The following RPS10 variants were observed in gnomAD, a reference collection of about 807,000 sequenced individuals.
RPS10 encodes the protein small ribosomal subunit protein eS10.
In RPS10, 2 loss-of-function variants were observed where a neutral mutation model predicts 22.6. The observed-to-expected ratio is 0.09, with a 90% CI of 0.04 to 0.28. The LOEUF is 0.28. Ranked by LOEUF, RPS10 falls within the 10% of genes least tolerant of loss-of-function variation. The probability of loss-of-function intolerance (pLI) is 1.00; values close to 1 mark genes in which losing one functional copy is unlikely to be tolerated. For synonymous variants in RPS10, 70 were observed against 75.9 expected, an observed-to-expected ratio of 0.92 and a Z score of 0.40; for missense variants, 137 against 222.2, an observed-to-expected ratio of 0.62 and a Z score of 2.44.
chr6:34,421,959 T>A, intron 3 of RPS10, 152 bp from the exon 4 acceptor site: 3 of 696,308 alleles, frequency 4.3e-6, no homozygotes, highest in Admixed American at 4.9e-5. Context: ...AAACCTACAA[T>A]GTCAGCTAGA....
At chr6:34,420,666 A>G (rs1314425621) in intron 4 of RPS10, among the ~76,000 whole-genome samples, 1 of 152,174 alleles carries the variant, frequency 6.6e-6, no homozygotes, top group Non-Finnish European at 1.5e-5. Context: ...AGAAGTTAGT[A>G]AAAACTCTTC....
chr6:34,423,945 A>G (rs1765857514), intron 3 of RPS10, among the ~76,000 whole-genome samples: 1 of 152,050 alleles, frequency 6.6e-6, no homozygotes, highest in African/African-American at 2.4e-5. Context: ...CCTGAGCTCC[A>G]TAAGGTAACT....
chr6:34,422,133 C>T (rs535230051), intron 3 of RPS10, among the ~76,000 whole-genome samples: 27 of 151,982 alleles, frequency 1.8e-4, no homozygotes, highest in African/African-American at 6.3e-4. Context: ...AACTTTTGAA[C>T]CTGACCCACG....
intron 4 of RPS10, among the ~76,000 whole-genome samples, chr6:34,419,477 A>C (rs189132203): frequency 1.1e-4 from 16 of 152,290 alleles, no homozygotes; most frequent in Admixed American, 5.9e-4. Flanking sequence ...ACAAAGACTT[A>C]AGAAAAAAAG....
At chr6:34,418,900 G>T (rs1561937020) in intron 4 of RPS10, among the ~76,000 whole-genome samples, 1 of 152,124 alleles carries the variant, frequency 6.6e-6, no homozygotes, top group Non-Finnish European at 1.5e-5. Flanking sequence ...TTTGAGACAG[G>T]GTCTTACTCT....
intron 3 of RPS10, 167 bp downstream of exon 3, chr6:34,424,502 G>T: frequency 1.2e-6 from 1 of 846,604 alleles, no homozygotes. Context: ...GAAGAACTGA[G>T]TCTAGTTCTA....
At chr6:34,422,147 A>G (rs1348353662) in intron 3 of RPS10, among the ~76,000 whole-genome samples, 4 of 152,298 alleles carry the variant, frequency 2.6e-5, no homozygotes, top group Middle Eastern at 6.8e-3. Context: ...ACCCACGTTA[A>G]GTGGAAAACT....
chr6:34,425,464 T>G, intron 1 of RPS10: 1 of 497,174 alleles, frequency 2.0e-6, no homozygotes, highest in East Asian at 4.0e-5. Context: ...CGCGCCAAAC[T>G]TCCTTAAGTT....
Position 34,423,155 on chromosome 6 carries a change from A to T in RPS10, c.323-1348T>A, listed in dbSNP as rs1435021067. ...CTGGAACTTACCCGGAGTCCATATG[A>T]TTAGAATATGAACTATGTCTCCTTT... On this transcript the variant is annotated intron_variant, in intron 3 of 5. Transcript: ENST00000648437. Among the ~76,000 whole-genome samples, 3 of 152,002 alleles carry T rather than the reference A, an allele frequency of 2.0e-5. No homozygotes were observed. In the East Asian group the frequency reaches 5.8e-4, roughly 29 times the overall value.
At chr6:34,424,598 A>G in intron 3 of RPS10, 71 bp downstream of exon 3, 1 of 1,592,082 alleles carries the variant, frequency 6.3e-7, no homozygotes, top group East Asian at 2.3e-5. Flanking sequence ...ACATCAGCTA[A>G]GAATGCTTTT....
chr6:34,425,429 T>TAA, intron 1 of RPS10: 1 of 618,656 alleles, frequency 1.6e-6, no homozygotes, highest in East Asian at 3.0e-5. Flanking sequence ...GACAGTATGT[T>TAA]AAAACCAGGA....
At chr6:34,420,975 T>A (rs1412948274) in intron 4 of RPS10, among the ~76,000 whole-genome samples, 5 of 149,048 alleles carry the variant, frequency 3.4e-5, no homozygotes, top group Non-Finnish European at 5.9e-5. Context: ...GCCACTGCAC[T>A]CCAGCCTGGG....
Position 34,417,703 on chromosome 6 carries a change from C to T in RPS10, c.457-156G>A, listed in dbSNP as rs977818436. The T allele has an allele frequency of 9.2e-6, 7 of 760,150 alleles. No homozygotes were observed. The African/African-American group carries it at 1.2e-4, about 13-fold the overall frequency. The allele number at this position is 760,150 out of a possible 1,614,324, so 47.1% of individuals were successfully genotyped here. On this transcript the variant is annotated intron_variant, in intron 5 of 5. Transcript: ENST00000648437. ...CAGGCTATAAATCCCAGCACTGCCCCTTACTGGATGTGGGGCCATATCTAA... is the reference window on the plus strand; with the variant it reads ...CAGGCTATAAATCCCAGCACTGCCCTTTACTGGATGTGGGGCCATATCTAA...
chr6:34,422,375 C>T (rs1765798053), intron 3 of RPS10, among the ~76,000 whole-genome samples: 1 of 152,276 alleles, frequency 6.6e-6, no homozygotes, highest in Admixed American at 6.5e-5. Flanking sequence ...AGTGCAGTGG[C>T]GCGATCTTGG....
intron 4 of RPS10, among the ~76,000 whole-genome samples, chr6:34,419,523 C>T (rs1436207876): frequency 6.6e-6 from 1 of 152,146 alleles, no homozygotes; most frequent in African/African-American, 2.4e-5. Flanking sequence ...ATACTGATTA[C>T]ATGTTAAATT....
In RPS10 at chr6:34,421,810, A is replaced by G. The variant is rs1241131239; in HGVS notation, c.323-3T>C. ...CGCAGGTCGCTCACCCTCCAGACCT[A>G]TGTAAATCAAACCACACTGTGAACA... is the stretch of plus-strand genomic sequence containing the variant. On this transcript the variant is annotated splice_region_variant and splice_polypyrimidine_tract_variant and intron_variant, in intron 3 of 5. Transcript: ENST00000648437. 1 of 1,613,858 alleles carries G rather than the reference A, an allele frequency of 6.2e-7. No homozygotes were observed. Among genetic ancestry groups the G allele is most frequent in the Non-Finnish European group, 8.5e-7 (1 of 1,179,840 alleles).
At chr6:34,420,481 G>A (rs912970643) in intron 4 of RPS10, among the ~76,000 whole-genome samples, 1 of 152,146 alleles carries the variant, frequency 6.6e-6, no homozygotes, top group Non-Finnish European at 1.5e-5. Context: ...GCCTCCCAAA[G>A]TGCTGGGATT....
Position 34,424,860 on chromosome 6 carries a change from T to A in RPS10, c.151-20A>T. 1 of 1,613,678 alleles carries A rather than the reference T, an allele frequency of 6.2e-7. No homozygotes were observed. The highest frequency in any genetic ancestry group is 8.5e-7 in the Non-Finnish European group (1 of 1,180,006). Reference sequence around the variant, plus strand: ...GAGAGACTGTAAGGCAGAAAACTACTGTTAAGGCGTTAAGTAGAAGCTTGG... The same window carrying A: ...GAGAGACTGTAAGGCAGAAAACTACAGTTAAGGCGTTAAGTAGAAGCTTGG... On this transcript the variant is annotated intron_variant, in intron 2 of 5. Coordinates refer to ENST00000648437, the MANE Select transcript of RPS10 (RefSeq NM_001014.5).
At chr6:34,420,122 T>G (rs1765711917) in intron 4 of RPS10, among the ~76,000 whole-genome samples, 1 of 152,218 alleles carries the variant, frequency 6.6e-6, no homozygotes, top group Non-Finnish European at 1.5e-5. Flanking sequence ...TTTTCAAGTG[T>G]GGCTACGAGG....
Sources: gnomAD v4.1 joint callset for allele counts (sites outside exome capture counted in the v4.1 genomes callset) on GRCh38, gnomAD v4.1.1 for gene constraint, MANE v1.5 for transcripts, NCBI Gene and HGNC (gene_info 2026-07-23, HGNC 2026-07-21) for gene names.